USF3: variants seen among roughly 807,000 people sequenced by gnomAD.
The protein encoded by USF3 is upstream transcription factor family member 3.
Under a neutral mutation model 157.5 loss-of-function variants are expected in USF3, and 29 were observed. That is an observed-to-expected ratio of 0.18 (90% CI 0.14 to 0.25). The LOEUF is 0.25. Ranked by LOEUF, USF3 falls within the 10% of genes least tolerant of loss-of-function variation. The pLI, the probability that USF3 is intolerant of heterozygous loss-of-function variation, is 1.00. For missense variants in USF3, 2,381 were observed against 2,667.6 expected (o/e 0.89, Z 2.37); for synonymous variants, 893 against 941.4 (o/e 0.95, Z 0.94).
At chr3:113,679,411 CT>C (rs34641216) in intron 1 of USF3, among the ~76,000 whole-genome samples, 34,177 of 117,864 alleles carry the variant, frequency 0.29, 2,867 homozygotes, top group Non-Finnish European at 0.3. Context: ...AGAGAAAGTT[CT>C]TTTTTTTTTT....
In USF3 at chr3:113,664,322, T is replaced by C; in HGVS notation, c.247A>G (p.Asn83Asp). The C allele has an allele frequency of 6.3e-7, 1 of 1,584,758 alleles. No homozygotes were observed. The highest frequency in any genetic ancestry group is 1.1e-5 in the South Asian group (1 of 88,912). The stretch of plus-strand genomic sequence containing the variant: ...ACTTTTAAATCTTTACCTTGTTCAT[T>C]GTTTCCTCCATTAAGCAGGAGTTCA... Reference protein sequence around the residue: ...NDELLLNGGNNEQAEEIKKLR... With the variant: ...NDELLLNGGNDEQAEEIKKLR... The change falls in exon 6 of 7, where the codon AAT becomes GAT. Residue 83 changes from asparagine (N) to aspartate (D), a missense_variant. Asn to Asp is a conservative substitution (Grantham distance 23). Coordinates refer to ENST00000316407, the MANE Select transcript of USF3 (RefSeq NM_001009899.4).
At chr3:113,682,774 C>T (rs201978416) in intron 1 of USF3, among the ~76,000 whole-genome samples, 1 of 151,420 alleles carries the variant, frequency 6.6e-6, no homozygotes, top group Non-Finnish European at 1.5e-5. Flanking sequence ...ACTACTCTTG[C>T]TTTTATTTTG....
In USF3 at chr3:113,660,959, G is replaced by A. The variant is rs1947473895; in HGVS notation, c.723C>T (p.Thr241=). 6.2e-7 allele frequency: 1 copy of A among 1,614,188 alleles called. No individual in the cohort carries two copies. The highest frequency in any genetic ancestry group is 8.5e-7 in the Non-Finnish European group (1 of 1,180,036). ...CAAGCACATTTGATTCGCTTTCAGA[G>A]GTGGGAAGCTCGAGAATACTCTGAG... ...ISAQSILELP[T]SESESNVLGA... is the part of the protein sequence containing the mutation. Residue 241 remains threonine (T), a synonymous_variant, in exon 7 of 7, where the codon ACC becomes ACT. Transcript: ENST00000316407.
Position 113,655,693 on chromosome 3 carries a change from G to A in USF3, c.5989C>T (p.Arg1997Cys), listed in dbSNP as rs1947343382. ...GSKIRQPERN[R>C]SGNQRQSTVF... ...GTACTTTGCCTTTGGTTTCCAGAACGATTCCTTTCAGGCTGACGAATTTTG... is the reference window on the plus strand; with the variant it reads ...GTACTTTGCCTTTGGTTTCCAGAACAATTCCTTTCAGGCTGACGAATTTTG... The change falls in exon 7 of 7, where the codon CGT becomes TGT. Residue 1997 changes from arginine to cysteine, a missense_variant. Physicochemically the swap from Arg to Cys is radical, Grantham distance 180 (BLOSUM62 -3). This residue lies in a region of USF3 where 770 missense variants were observed against 824.2 expected (regional missense o/e 0.93). Coordinates refer to ENST00000316407, the MANE Select transcript of USF3 (RefSeq NM_001009899.4). 1.2e-6 allele frequency: 2 copies of A among 1,613,782 alleles called. No homozygotes were observed. The highest frequency in any genetic ancestry group is 1.3e-5 in the African/African-American group (1 of 74,936).
intron 4 of USF3, 27 bp downstream of exon 4, chr3:113,673,321 A>G: frequency 6.4e-7 from 1 of 1,556,826 alleles, no homozygotes; most frequent in Non-Finnish European, 8.8e-7. Context: ...AAAAAATGCT[A>G]ACAGGTAAAA....
In USF3 at chr3:113,655,560, A is replaced by G; in HGVS notation, c.6122T>C (p.Met2041Thr). ...TEKRGSIVRF[M>T]PDSPQVPNDN... is the part of the protein sequence containing the mutation. ...ATTAGGTACTTGTGGGCTATCAGGC[A>G]TGAAACGAACAATACTTCCTCTCTT... The change falls in exon 7 of 7, where the codon ATG becomes ACG. Residue 2041 changes from methionine to threonine, a missense_variant. Transcript: ENST00000316407. 3 of 1,614,216 alleles carry G rather than the reference A, an allele frequency of 1.9e-6. No homozygotes were observed. The highest frequency in any genetic ancestry group is 2.5e-6 in the Non-Finnish European group (3 of 1,180,038).
At position 113,656,294 on chromosome 3, in the gene USF3, T is replaced by G. The variant is rs764022511; in HGVS notation, c.5388A>C (p.Pro1796=). 12 of 1,614,094 alleles carry G rather than the reference T, an allele frequency of 7.4e-6. No individual in the cohort carries two copies. In the Middle Eastern group the frequency reaches 4.9e-4, roughly 66 times the overall value. Residue 1796 remains proline, a synonymous_variant, in exon 7 of 7, where the codon CCA becomes CCC. Transcript: ENST00000316407. Reference sequence around the variant, plus strand: ...CATTTCCTGTTGGGATGCTCTGAACTGGTGGGTAAGATAATCTCTTTTGAC... The same window carrying G: ...CATTTCCTGTTGGGATGCTCTGAACGGGTGGGTAAGATAATCTCTTTTGAC... ...IDRQKRLSYP[P]VQSIPTGNGI...
intron 3 of USF3, 67 bp downstream of exon 3, chr3:113,674,765 C>T (rs1353169077): frequency 3.8e-6 from 5 of 1,316,612 alleles, no homozygotes; most frequent in Non-Finnish European, 4.4e-6. Context: ...ACCTATGTAG[C>T]AAAATAGGAA....
chr3:113,656,569 C>G lies in USF3; in HGVS notation c.5113G>C (p.Asp1705His), dbSNP rs1947363905. The G allele has an allele frequency of 6.2e-7, 1 of 1,614,180 alleles. No individual in the cohort carries two copies. The highest frequency in any genetic ancestry group is 1.6e-4 in the Middle Eastern group (1 of 6,062). The change falls in exon 7 of 7, where the codon GAT becomes CAT. Residue 1705 changes from aspartate (D) to histidine (H), a missense_variant. By Grantham distance (81) the Asp-to-His change is moderately conservative. Coordinates refer to ENST00000316407, the MANE Select transcript of USF3 (RefSeq NM_001009899.4). ...SDQLEMRSYL[D>H]VPRNKSLAIH... is the part of the protein sequence containing the mutation. ...GCCAAACTCTTATTTCTGGGAACAT[C>G]AAGATAGCTTCTCATTTCAAGCTGA...
At chr3:113,693,613 T>A (rs1707737051) in intron 1 of USF3, among the ~76,000 whole-genome samples, 2 of 152,106 alleles carry the variant, frequency 1.3e-5, no homozygotes, top group African/African-American at 4.8e-5. Flanking sequence ...TTAAAACCAC[T>A]GTGAAAGAGA....
rs1947203220 is a variant in USF3 at position 113,648,446 on chromosome 3, AAAT to A, written c.*6495_*6497del. On this transcript the variant is annotated 3_prime_UTR_variant, in exon 7 of 7. Transcript: ENST00000316407. Reference sequence around the variant, plus strand: ...TAAAATACTATATTCATATCTATACAAATAATTATTACAACCATTAAAATGTTA... The same window carrying A: ...TAAAATACTATATTCATATCTATACAAATTATTACAACCATTAAAATGTTA... The A allele has an allele frequency of 6.6e-6, 1 of 152,670 alleles. No homozygotes were observed. Among genetic ancestry groups the A allele is most frequent in the Non-Finnish European group, 1.5e-5 (1 of 68,030 alleles). The allele number at this position is 152,670 out of a possible 1,614,324, so 9.5% of individuals were successfully genotyped here. A position where few individuals can be genotyped will look rare whatever the true frequency, so the allele number is the denominator to read the frequency against.
At chr3:113,691,822 C>T (rs956101090) in intron 1 of USF3, among the ~76,000 whole-genome samples, 6 of 152,326 alleles carry the variant, frequency 3.9e-5, no homozygotes, top group African/African-American at 1.4e-4. Context: ...AGCGGTGACA[C>T]TACAATTTCT....
Position 113,664,351 on chromosome 3 carries a change from T to A in USF3, c.218A>T (p.Asn73Ile). Residue 73 changes from asparagine to isoleucine, a missense_variant, in exon 6 of 7, where the codon AAT (asparagine) becomes ATT (isoleucine). By Grantham distance (149) the Asn-to-Ile change is moderately radical. Around this residue, in one of 6 missense-constraint regions of USF3, gnomAD observed 105 missense variants for 158.6 expected, o/e 0.66. Transcript: ENST00000316407. The stretch of plus-strand genomic sequence containing the variant: ...TCCTCCATTAAGCAGGAGTTCATCA[T>A]TTTGCCTTTTCAATTCTGTTATATA... Reference protein sequence around the residue: ...FKYITELKRQNDELLLNGGNN... With the variant: ...FKYITELKRQIDELLLNGGNN... The A allele has an allele frequency of 6.2e-7, 1 of 1,609,558 alleles. No homozygotes were observed. The highest frequency in any genetic ancestry group is 8.5e-7 in the Non-Finnish European group (1 of 1,176,900).
At position 113,658,187 on chromosome 3, in the gene USF3, A is replaced by G; in HGVS notation, c.3495T>C (p.Ser1165=). The change falls in exon 7 of 7, where the codon TCT becomes TCC. Residue 1165 remains serine (S), a synonymous_variant. Transcript: ENST00000316407. ...GGTCTCCCTCTAACAATGATGCTTC[A>G]GAAGGCTTTGAAGCAACTTCCCTTA... ...ADIREVASKP[S]EASLLEGDPP... is the part of the protein sequence containing the mutation. The G allele has an allele frequency of 6.2e-7, 1 of 1,614,166 alleles. No individual in the cohort carries two copies. Among genetic ancestry groups the G allele is most frequent in the Non-Finnish European group, 8.5e-7 (1 of 1,180,032 alleles).
intron 3 of USF3, 121 bp from the exon 4 acceptor site, chr3:113,673,497 A>C (rs1707210206): frequency 7.9e-6 from 5 of 631,982 alleles, no homozygotes; most frequent in Non-Finnish European, 1.4e-5. Context: ...CAGCAATAAG[A>C]AACAATCTGA....
At position 113,655,319 on chromosome 3, in the gene USF3, C is replaced by G. The variant is rs1947334430; in HGVS notation, c.6363G>C (p.Leu2121=). 1.2e-6 allele frequency: 2 copies of G among 1,613,990 alleles called. No homozygotes were observed. Among genetic ancestry groups the G allele is most frequent in the African/African-American group, 2.7e-5 (2 of 75,002 alleles). Residue 2121 remains leucine, a synonymous_variant, in exon 7 of 7, where the codon CTG becomes CTC. Coordinates refer to ENST00000316407, the MANE Select transcript of USF3 (RefSeq NM_001009899.4). ...YPPYSPAHPT[L]SNDISIPYFP... ...AATAGGGGATTGAAATATCATTGGA[C>G]AGTGTAGGATGAGCAGGAGAGTATG... is the stretch of plus-strand genomic sequence containing the variant.
chr3:113,689,034 A>AAAACAAACAAAC (rs112775519), intron 1 of USF3, among the ~76,000 whole-genome samples: 2,146 of 150,266 alleles, frequency 0.014, 47 homozygotes, highest in South Asian at 0.087. Flanking sequence ...CCATCTCAAA[A>AAAACAAACAAAC]AAACAAACAA....
At chr3:113,674,811 A>G in intron 3 of USF3, 21 bp downstream of exon 3, 1 of 1,603,404 alleles carries the variant, frequency 6.2e-7, no homozygotes, top group Non-Finnish European at 8.5e-7. Context: ...AGCATATTAT[A>G]TTGGGGCTGT....
In USF3 at chr3:113,677,037, G is replaced by A. The variant is rs145169518; in HGVS notation, c.-19+245C>T. Among the ~76,000 whole-genome samples the A allele has an allele frequency of 1.9e-3, 292 of 152,282 alleles. 2 individuals carry two copies. Among genetic ancestry groups the A allele is most frequent in the Admixed American group, 0.016 (240 of 15,300 alleles). ...TTAGCCCTAGGGAGGAGGGAGAAGG[G>A]TCCTGGGAAATAAGTAGACATGAAT... On this transcript the variant is annotated intron_variant, in intron 2 of 6. Coordinates refer to ENST00000316407, the MANE Select transcript of USF3 (RefSeq NM_001009899.4).
Sources: allele counts gnomAD v4.1 joint callset (sites outside exome capture counted in the v4.1 genomes callset), GRCh38; gene constraint gnomAD v4.1.1; regional missense constraint gnomAD v4.1.1; transcripts MANE v1.5; gene names NCBI Gene and HGNC (gene_info 2026-07-23, HGNC 2026-07-21).